Variants in DDX23 observed in about 807,000 individuals in gnomAD.
The protein encoded by DDX23 is probable ATP-dependent RNA helicase DDX23.
A neutral mutation model predicts 102.7 loss-of-function variants in DDX23; 33 were observed. The ratio of observed to expected loss-of-function variants is 0.32; its 90% confidence interval spans 0.24 to 0.43. DDX23 has a LOEUF of 0.43. DDX23 is among the 20% of genes least tolerant of loss of function. The pLI, the probability that DDX23 is intolerant of heterozygous loss-of-function variation, is 1.00. For missense variants in DDX23, 549 were observed against 1,086.6 expected (o/e 0.51, Z 6.96); for synonymous variants, 352 against 376.0 (o/e 0.94, Z 0.74).
rs1183171756 is a variant in DDX23, at chr12:48,832,296, C to T, written c.1956-110G>A. ...CAGGGTCTTTAATGCCCATGACATT[C>T]TGCCCAAGAAAACAGCAGCTCTTCA... On this transcript the variant is annotated intron_variant, in intron 14 of 16. Coordinates refer to ENST00000308025, the MANE Select transcript of DDX23 (RefSeq NM_004818.3). This position sits in a 1 kb window ranked among gnomAD's most constrained non-coding sequence, Gnocchi z 4.4. The T allele has an allele frequency of 2.6e-6, 4 of 1,549,900 alleles. No individual in the cohort carries two copies. The Admixed American group carries it at 5.2e-5, about 20-fold the overall frequency.
intron 3 of DDX23, among the ~76,000 whole-genome samples, chr12:48,843,547 C>CTTTTTTT (rs757724499): frequency 1.7e-5 from 2 of 117,510 alleles, no homozygotes; most frequent in Non-Finnish European, 3.5e-5. Flanking sequence ...TTCTTTCTTT[C>CTTTTTTT]TTTTTTTTTT....
chr12:48,845,154 TAAAA>T (rs60186795), intron 2 of DDX23, among the ~76,000 whole-genome samples: 1 of 131,144 alleles, frequency 7.6e-6, no homozygotes, highest in African/African-American at 2.9e-5. Flanking sequence ...CTCCATCTTT[TAAAA>T]AAAAAAAAAA....
At position 48,840,119 on chromosome 12, in the gene DDX23, G is replaced by A; in HGVS notation, c.321-13C>T. On this transcript the variant is annotated splice_polypyrimidine_tract_variant and intron_variant, in intron 3 of 16. Coordinates refer to ENST00000308025, the MANE Select transcript of DDX23 (RefSeq NM_004818.3). ...ACCAGGAGATAAGCTTTGAGGAAAA[G>A]GAACAAGGTCCACATCACTCTTACT... 1 of 1,603,914 alleles carries A rather than the reference G, an allele frequency of 6.2e-7. No homozygotes were observed. Among genetic ancestry groups the A allele is most frequent in the Non-Finnish European group, 8.5e-7 (1 of 1,170,768 alleles).
rs1208440612 is a variant in DDX23 at position 48,832,943 on chromosome 12, AGG to A, written c.1803+332_1803+333del. The A allele has an allele frequency of 2.2e-6, 1 of 449,946 alleles. No individual in the cohort carries two copies. Among genetic ancestry groups the A allele is most frequent in the African/African-American group, 2.0e-5 (1 of 50,664 alleles). 27.9% of individuals were successfully genotyped at this position (449,946 alleles called of 1,614,324 possible). On this transcript the variant is annotated intron_variant, in intron 13 of 16. Transcript: ENST00000308025. This position sits in a 1 kb window ranked among gnomAD's most constrained non-coding sequence, Gnocchi z 4.4. ...GAAACATGTACTCTGAGCCCACCTA[AGG>A]CAAGAAAGGCCCAAAAGGAGGTTGG...
chr12:48,831,319 G>C lies in DDX23; in HGVS notation c.2065-3C>G. On this transcript the variant is annotated splice_region_variant and splice_polypyrimidine_tract_variant and intron_variant, in intron 15 of 16. Transcript: ENST00000308025. The stretch of plus-strand genomic sequence containing the variant: ...CCGTGCAGTGTGCAAGCATTGTACT[G>C]TTGGAAGAATGGTGAAGTGAAGAGT... 1 of 1,614,114 alleles carries C rather than the reference G, an allele frequency of 6.2e-7. No individual in the cohort carries two copies. The highest frequency in any genetic ancestry group is 8.5e-7 in the Non-Finnish European group (1 of 1,179,996).
intron 3 of DDX23, among the ~76,000 whole-genome samples, chr12:48,841,345 C>A (rs1315929471): frequency 6.6e-6 from 1 of 152,178 alleles, no homozygotes; most frequent in African/African-American, 2.4e-5. Context: ...GAGATCGTGC[C>A]ATTGCACTCC....
In DDX23 at chr12:48,845,927, T is replaced by C. The variant is rs1415406814; in HGVS notation, c.1-145A>G. On this transcript the variant is annotated intron_variant, in intron 1 of 16. Transcript: ENST00000308025. ...AGATGAGAACGGTGGAGCTCAGGTA[T>C]ATAAAGGAACTTGTCTGAGGGCAGA... 3 of 922,454 alleles carry C rather than the reference T, an allele frequency of 3.3e-6. No individual in the cohort carries two copies. The African/African-American group carries it at 5.0e-5, about 15-fold the overall frequency. 57.1% of individuals were successfully genotyped at this position (922,454 alleles called of 1,614,324 possible). A position where few individuals can be genotyped will look rare whatever the true frequency, so the allele number is the denominator to read the frequency against.
intron 11 of DDX23, among the ~76,000 whole-genome samples, chr12:48,835,846 G>A (rs573399791): frequency 1.1e-4 from 17 of 152,206 alleles, no homozygotes; most frequent in East Asian, 1.9e-4. Flanking sequence ...AGCTGAGATC[G>A]TGCCACTGCA....
Position 48,832,286 on chromosome 12 carries a change from C to T in DDX23, c.1956-100G>A. ...ACACTACTTTCAGGGTCTTTAATGC[C>T]CATGACATTCTGCCCAAGAAAACAG... is the stretch of plus-strand genomic sequence containing the variant. On this transcript the variant is annotated intron_variant, in intron 14 of 16. Coordinates refer to ENST00000308025, the MANE Select transcript of DDX23 (RefSeq NM_004818.3). This position sits in a 1 kb window ranked among gnomAD's most constrained non-coding sequence, Gnocchi z 4.4. 6.5e-7 allele frequency: 1 copy of T among 1,546,990 alleles called. No individual in the cohort carries two copies. Among genetic ancestry groups the T allele is most frequent in the African/African-American group, 1.4e-5 (1 of 73,574 alleles).
In DDX23 at chr12:48,843,922, T is replaced by C. The variant is rs752739612; in HGVS notation, c.320+18A>G. 7 of 1,612,410 alleles carry C rather than the reference T, an allele frequency of 4.3e-6. No homozygotes were observed. The Admixed American group carries it at 1.0e-4, about 23-fold the overall frequency. On this transcript the variant is annotated intron_variant, in intron 3 of 16. Transcript: ENST00000308025. The stretch of plus-strand genomic sequence containing the variant: ...ATGGGAGCATTCCCCTAAAGCCCCC[T>C]CTCATTCCTTCATGTACCTGGATCG...
intron 5 of DDX23, 49 bp from the exon 6 acceptor site, chr12:48,838,129 A>AG: frequency 6.2e-7 from 1 of 1,610,340 alleles, no homozygotes; most frequent in East Asian, 2.2e-5. Context: ...AGCAGGGTAC[A>AG]ATCACATCAC....
chr12:48,833,258 C>G lies in DDX23; in HGVS notation c.1803+19G>C, dbSNP rs200024072. 1.4e-5 allele frequency: 23 copies of G among 1,613,578 alleles called. No homozygotes were observed. The highest frequency in any genetic ancestry group is 1.8e-5 in the Non-Finnish European group (21 of 1,179,678). ...CCTTGGCCTGTCCAACTTTTCCCAG[C>G]CCAGGGAAGCAGCCTTACTTGGCGG... is the stretch of plus-strand genomic sequence containing the variant. On this transcript the variant is annotated intron_variant, in intron 13 of 16. Transcript: ENST00000308025.
rs535548919 is a variant in DDX23 at position 48,840,904 on chromosome 12, A to C, written c.321-798T>G. The stretch of plus-strand genomic sequence containing the variant: ...ATTTAGCCTACATGGCCACCACCAC[A>C]AGCCAAGAAGATACTGCTATCTATA... On this transcript the variant is annotated intron_variant, in intron 3 of 16. Coordinates refer to ENST00000308025, the MANE Select transcript of DDX23 (RefSeq NM_004818.3). Among the ~76,000 whole-genome samples, 29 of 152,094 alleles carry C rather than the reference A, an allele frequency of 1.9e-4. No homozygotes were observed. The South Asian group carries it at 6.0e-3, about 32-fold the overall frequency.
chr12:48,848,308 CA>C (rs999000148), intron 1 of DDX23, among the ~76,000 whole-genome samples: 89 of 120,038 alleles, frequency 7.4e-4, no homozygotes, highest in Admixed American at 6.5e-4. Flanking sequence ...AAACAAAAAA[CA>C]AAAAAAAAAA....
At chr12:48,844,471 GTT>G (rs1157927216) in intron 2 of DDX23, among the ~76,000 whole-genome samples, 1 of 151,928 alleles carries the variant, frequency 6.6e-6, no homozygotes, top group Non-Finnish European at 1.5e-5. Flanking sequence ...TAGAGACGGG[GTT>G]TTGCCATGTT....
Position 48,836,464 on chromosome 12 carries a change from G to A in DDX23, c.1236+105C>T. 1 of 1,288,264 alleles carries A rather than the reference G, an allele frequency of 7.8e-7. No homozygotes were observed. The highest frequency in any genetic ancestry group is 1.1e-6 in the Non-Finnish European group (1 of 912,640). 79.8% of individuals were successfully genotyped at this position (1,288,264 alleles called of 1,614,324 possible). ...AAGTGACAGAAAAGGTCACATTGGT[G>A]CCCACTAGCAGCGATGGCTCCAAAT... On this transcript the variant is annotated intron_variant, in intron 10 of 16. Coordinates refer to ENST00000308025, the MANE Select transcript of DDX23 (RefSeq NM_004818.3). This position sits in a 1 kb window ranked among gnomAD's most constrained non-coding sequence, Gnocchi z 6.1.
At chr12:48,840,913 A>G (rs2137488698) in intron 3 of DDX23, among the ~76,000 whole-genome samples, 1 of 152,240 alleles carries the variant, frequency 6.6e-6, no homozygotes, top group South Asian at 2.1e-4. Flanking sequence ...CAAGCCAAGA[A>G]GATACTGCTA....
In DDX23 at chr12:48,849,549, A is replaced by G. The variant is rs184494048; in HGVS notation, c.-1+2535T>C. Among the ~76,000 whole-genome samples the G allele has an allele frequency of 1.4e-3, 209 of 152,064 alleles. 3 individuals carry two copies. The highest frequency in any genetic ancestry group is 4.7e-3 in the African/African-American group (195 of 41,482). On this transcript the variant is annotated intron_variant, in intron 1 of 16. Transcript: ENST00000308025. ...TGATGTCAGGCATCTGTAATCCCAG[A>G]TACTCGGAAGGCTGAGGCAGAACTG...
At chr12:48,838,695 T>C (rs1038311397) in intron 5 of DDX23, among the ~76,000 whole-genome samples, 1 of 150,636 alleles carries the variant, frequency 6.6e-6, no homozygotes, top group Non-Finnish European at 1.5e-5. Context: ...ACTAAAAAAA[T>C]ACAAAAAATT....
Sources: gnomAD v4.1 joint callset for allele counts (sites outside exome capture counted in the v4.1 genomes callset) on GRCh38, gnomAD v4.1.1 for gene constraint, Gnocchi (gnomAD v3.1) non-coding constraint, MANE v1.5 for transcripts, NCBI Gene and HGNC (gene_info 2026-07-23, HGNC 2026-07-21) for gene names.